SLC38A1: variants seen among roughly 807,000 people sequenced by gnomAD.
SLC38A1 encodes the protein solute carrier family 38 member 1.
In SLC38A1, 18 loss-of-function variants were observed where a neutral mutation model predicts 60.3. That is an observed-to-expected ratio of 0.30 (90% CI 0.21 to 0.44). SLC38A1 has a LOEUF of 0.44. Ranked by LOEUF, SLC38A1 falls within the 20% of genes least tolerant of loss-of-function variation. The pLI is 1.00. For missense variants in SLC38A1, 448 were observed against 587.2 expected (o/e 0.76, Z 2.45); for synonymous variants, 196 against 212.1 (o/e 0.92, Z 0.66).
chr12:46,200,224 C>T (rs1215663163), intron 13 of SLC38A1, among the ~76,000 whole-genome samples: 1 of 152,006 alleles, frequency 6.6e-6, no homozygotes, highest in East Asian at 1.9e-4. Context: ...CTAGTGAAAA[C>T]AATAATAATA....
intron 1 of SLC38A1, among the ~76,000 whole-genome samples, chr12:46,251,988 GTATA>G (rs1941859541): frequency 6.6e-6 from 1 of 152,078 alleles, no homozygotes; most frequent in Non-Finnish European, 1.5e-5. Flanking sequence ...CCATTACTGG[GTATA>G]TACCCAAAGG....
intron 16 of SLC38A1, among the ~76,000 whole-genome samples, chr12:46,191,764 T>C (rs1311637407): frequency 6.6e-6 from 1 of 152,208 alleles, no homozygotes; most frequent in Non-Finnish European, 1.5e-5. Context: ...GTTGTGATTT[T>C]TGCACATTGA....
At chr12:46,195,736 G>A (rs1254051717) in intron 16 of SLC38A1, 13 of 192,618 alleles carry the variant, frequency 6.7e-5, no homozygotes, top group Admixed American at 2.1e-4. Context: ...GCAAGGCTCC[G>A]TTGGCATGGA....
rs1305462673 is a variant in SLC38A1, at chr12:46,222,712, G to A, written c.314+6441C>T. On this transcript the variant is annotated intron_variant, in intron 5 of 16. Coordinates refer to ENST00000398637, the MANE Select transcript of SLC38A1 (RefSeq NM_030674.4). ...GGTGTTTAATTCTTAATAACAAAAT[G>A]TTTAGTTACTTCTTTCAGGAGTTCA... is the stretch of plus-strand genomic sequence containing the variant. 2.6e-5 allele frequency among the ~76,000 whole-genome samples: 4 copies of A among 152,232 alleles called. No homozygotes were observed. The South Asian group carries it at 8.3e-4, about 32-fold the overall frequency.
intron 5 of SLC38A1, among the ~76,000 whole-genome samples, chr12:46,218,699 T>A (rs774165862): frequency 1.3e-5 from 2 of 152,160 alleles, no homozygotes; most frequent in African/African-American, 2.4e-5. Flanking sequence ...GTCAGCTGTG[T>A]GGGAGACCGG....
intron 1 of SLC38A1, among the ~76,000 whole-genome samples, chr12:46,254,486 C>T (rs755443389): frequency 1.3e-5 from 2 of 152,144 alleles, no homozygotes; most frequent in Non-Finnish European, 1.5e-5. Flanking sequence ...TTTGTAATTT[C>T]GCTTTGATGG....
At chr12:46,214,962 G>T (rs1262881485) in intron 5 of SLC38A1, among the ~76,000 whole-genome samples, 1 of 152,132 alleles carries the variant, frequency 6.6e-6, no homozygotes, top group African/African-American at 2.4e-5. Context: ...GCCCTCCCTA[G>T]CATGACTCTC....
At chr12:46,222,536 T>C (rs926437559) in intron 5 of SLC38A1, among the ~76,000 whole-genome samples, 3 of 152,194 alleles carry the variant, frequency 2.0e-5, no homozygotes, top group Admixed American at 2.0e-4. Flanking sequence ...ATGTTCCCCG[T>C]TACAACCTAG....
chr12:46,201,683 G>A lies in SLC38A1; in HGVS notation c.903-485C>T, dbSNP rs74831463. On this transcript the variant is annotated intron_variant, in intron 12 of 16. Transcript: ENST00000398637. ...ACCTGGAAGTCTGTAGGTCTCCAGC[G>A]CAGCAAGTGCCCAAGAGATCACAGC... Among the ~76,000 whole-genome samples, 1,119 of 151,954 alleles carry A rather than the reference G, an allele frequency of 7.4e-3. 16 individuals carry two copies. The highest frequency in any genetic ancestry group is 0.026 in the African/African-American group (1,064 of 41,406).
At position 46,233,857 on chromosome 12, in the gene SLC38A1, G is replaced by T. The variant is rs116863965; in HGVS notation, c.123-4218C>A. ...CTTCACTGCCTCACCCACTGAATTA[G>T]CTTCAAGCACAAATTCCTCACCCTG... On this transcript the variant is annotated intron_variant, in intron 3 of 16. Transcript: ENST00000398637. 4.3e-4 allele frequency among the ~76,000 whole-genome samples: 66 copies of T among 152,264 alleles called. No homozygotes were observed. The East Asian group carries it at 0.012, about 28-fold the overall frequency.
chr12:46,199,307 TTGTGTGTGTGTGTGTGTGTGTGTGTG>T lies in SLC38A1; in HGVS notation c.1004-590_1004-565del, dbSNP rs71067986. On this transcript the variant is annotated intron_variant, in intron 13 of 16. Transcript: ENST00000398637. ...AAAAAAAATTAGTTTATGTACTACT[TTGTGTGTGTGTGTGTGTGTGTGTGTG>T]TGTGTGTGTGTGTGTGTGTGTGTGT... is the stretch of plus-strand genomic sequence containing the variant. Among the ~76,000 whole-genome samples the T allele has an allele frequency of 6.3e-3, 792 of 125,342 alleles. 6 individuals carry two copies. The highest frequency in any genetic ancestry group is 0.02 in the Middle Eastern group (5 of 246). The allele number at this position is 125,342 out of a possible 152,430, so 82.2% of individuals were successfully genotyped here.
At chr12:46,218,899 C>T (rs952909269) in intron 5 of SLC38A1, among the ~76,000 whole-genome samples, 12 of 151,834 alleles carry the variant, frequency 7.9e-5, no homozygotes, top group African/African-American at 1.9e-4. Flanking sequence ...ACTGGTTGGG[C>T]GAGATTACCA....
rs1161114553 is a variant in SLC38A1, at chr12:46,206,116, C to T, written c.610G>A (p.Gly204Ser). 6.2e-7 allele frequency: 1 copy of T among 1,611,906 alleles called. No individual in the cohort carries two copies. Among genetic ancestry groups the T allele is most frequent in the Non-Finnish European group, 8.5e-7 (1 of 1,178,676 alleles). The stretch of plus-strand genomic sequence containing the variant: ...AAGAGACACAGAGGGAGAATTATGC[C>T]AAAGGTAACTATCACCACCAGAACG... ...GRVLVVIVTF[G>S]IILPLCLLKN... The change falls in exon 9 of 17, where the codon GGC (glycine) becomes AGC (serine). Residue 204 changes from glycine to serine, a missense_variant. Gly to Ser is a moderately conservative substitution (Grantham distance 56). Around this residue, in one of 2 missense-constraint regions of SLC38A1, gnomAD observed 346 missense variants for 497.5 expected, o/e 0.70. Transcript: ENST00000398637.
intron 8 of SLC38A1, among the ~76,000 whole-genome samples, chr12:46,206,600 C>T (rs1433256294): frequency 6.6e-6 from 1 of 152,142 alleles, no homozygotes; most frequent in Admixed American, 6.5e-5. Flanking sequence ...ACCTTGAATC[C>T]TGAGAACACT....
At chr12:46,222,743 T>A (rs1459491076) in intron 5 of SLC38A1, among the ~76,000 whole-genome samples, 4 of 152,284 alleles carry the variant, frequency 2.6e-5, no homozygotes, top group African/African-American at 9.6e-5. Flanking sequence ...GTTCAACAGC[T>A]CCTGAAAGCA....
intron 1 of SLC38A1, among the ~76,000 whole-genome samples, chr12:46,252,711 T>G (rs188175914): frequency 2.0e-5 from 3 of 152,014 alleles, no homozygotes; most frequent in Admixed American, 6.6e-5. Flanking sequence ...AATTGTTGTA[T>G]GGCCTTCCAT....
At chr12:46,191,204 T>G (rs982034555) in intron 16 of SLC38A1, among the ~76,000 whole-genome samples, 2 of 152,178 alleles carry the variant, frequency 1.3e-5, no homozygotes, top group African/African-American at 2.4e-5. Context: ...TTTCCCCATT[T>G]CTTGTTTTTG....
At chr12:46,231,932 A>G (rs1275404715) in intron 3 of SLC38A1, among the ~76,000 whole-genome samples, 1 of 152,194 alleles carries the variant, frequency 6.6e-6, no homozygotes, top group Non-Finnish European at 1.5e-5. Flanking sequence ...ACTTTTTTCA[A>G]TGATGCTATA....
intron 16 of SLC38A1, among the ~76,000 whole-genome samples, chr12:46,193,593 TG>T (rs1939237187): frequency 6.6e-6 from 1 of 152,226 alleles, no homozygotes; most frequent in African/African-American, 2.4e-5. Flanking sequence ...TCTAAGGACT[TG>T]CTTTATGGAT....
Sources: allele counts gnomAD v4.1 joint callset (sites outside exome capture counted in the v4.1 genomes callset), GRCh38; gene constraint gnomAD v4.1.1; regional missense constraint gnomAD v4.1.1; transcripts MANE v1.5; gene names NCBI Gene and HGNC (gene_info 2026-07-23, HGNC 2026-07-21).